Variants in GABRG3 observed in about 807,000 individuals in gnomAD.
The protein encoded by GABRG3 is gamma-aminobutyric acid type A receptor subunit gamma3.
A neutral mutation model predicts 48.8 loss-of-function variants in GABRG3; 25 were observed. The ratio of observed to expected loss-of-function variants is 0.51; its 90% CI spans 0.37 to 0.72. The LOEUF (loss-of-function observed/expected upper bound fraction) is 0.72. Among genes scored for constraint, GABRG3 ranks in the 30% least tolerant of loss-of-function variants. GABRG3 has a pLI of 0.00. For missense variants in GABRG3, 394 were observed against 577.9 expected, an observed-to-expected ratio of 0.68 and a Z score of 3.26; for synonymous variants, 227 against 217.6, an observed-to-expected ratio of 1.04 and a Z score of -0.38.
chr15:27,084,821 ACT>A (rs1897049658), intron 3 of GABRG3, among the ~76,000 whole-genome samples: 2 of 152,092 alleles, frequency 1.3e-5, no homozygotes, highest in Admixed American at 6.6e-5. Context: ...GGGGGGTGCC[ACT>A]CTCTCTGAAG....
intron 3 of GABRG3, among the ~76,000 whole-genome samples, chr15:27,124,187 A>G (rs1897779181): frequency 6.6e-6 from 1 of 152,248 alleles, no homozygotes; most frequent in African/African-American, 2.4e-5. Context: ...CTACCGAAAT[A>G]GACACTTCTG....
chr15:27,224,023 GCCTGGCA>G (rs1256045489), intron 3 of GABRG3, among the ~76,000 whole-genome samples: 2 of 152,176 alleles, frequency 1.3e-5, no homozygotes, highest in Non-Finnish European at 2.9e-5. Context: ...CAGGTGAGAA[GCCTGGCA>G]CCTGGGTGGG....
intron 3 of GABRG3, among the ~76,000 whole-genome samples, chr15:27,102,049 G>A (rs1038326091): frequency 6.6e-6 from 1 of 151,838 alleles, no homozygotes; most frequent in Non-Finnish European, 1.5e-5. Flanking sequence ...TACCACGTCC[G>A]GCCTCTCTAC....
At chr15:27,033,966 C>T (rs1043600763) in intron 3 of GABRG3, among the ~76,000 whole-genome samples, 1 of 152,176 alleles carries the variant, frequency 6.6e-6, no homozygotes, top group Non-Finnish European at 1.5e-5. Flanking sequence ...ATTGGCATTA[C>T]TGGCAAGCTT....
intron 2 of GABRG3, among the ~76,000 whole-genome samples, chr15:27,025,575 G>A (rs144528164): frequency 6.6e-6 from 1 of 152,282 alleles, no homozygotes; most frequent in Non-Finnish European, 1.5e-5. Flanking sequence ...TGTAGGAGTT[G>A]GTTCAAAGTC....
chr15:27,088,219 G>A (rs978365763), intron 3 of GABRG3, among the ~76,000 whole-genome samples: 7 of 145,770 alleles, frequency 4.8e-5, no homozygotes, highest in African/African-American at 1.8e-4. Context: ...TGTTAGATGG[G>A]CGCCGCGGTG....
At chr15:27,417,396 C>T (rs1228050145) in intron 5 of GABRG3, among the ~76,000 whole-genome samples, 1 of 152,176 alleles carries the variant, frequency 6.6e-6, no homozygotes, top group South Asian at 2.1e-4. Context: ...TGACTGATGG[C>T]TCCCAATCCT....
Position 27,045,799 on chromosome 15 carries a change from C to T in GABRG3, c.270+18978C>T, listed in dbSNP as rs555719072. On this transcript the variant is annotated intron_variant, in intron 3 of 9. Transcript: ENST00000615808. ...GTGCAGTGAGACAGCGGTCAATGCC[C>T]GTGCCCAGGTCTTTCCTCCGGAGGC... Among the ~76,000 whole-genome samples, 17 of 152,320 alleles carry T rather than the reference C, an allele frequency of 1.1e-4. No individual in the cohort carries two copies. In the South Asian group the frequency reaches 2.1e-3, roughly 19 times the overall value.
At chr15:27,089,289 C>T (rs74006577) in intron 3 of GABRG3, among the ~76,000 whole-genome samples, 3,475 of 152,192 alleles carry the variant, frequency 0.023, 143 homozygotes, top group African/African-American at 0.08. Flanking sequence ...GAGGACAGCT[C>T]GTCTGCAGGC....
chr15:27,049,067 G>T (rs796913683), intron 3 of GABRG3, among the ~76,000 whole-genome samples: 3 of 152,358 alleles, frequency 2.0e-5, no homozygotes, highest in African/African-American at 7.2e-5. Context: ...CAAGCTCAGA[G>T]ATTCCCAGGA....
Position 27,182,734 on chromosome 15 carries a change from G to C in GABRG3, c.271-144075G>C, listed in dbSNP as rs556130761. On this transcript the variant is annotated intron_variant, in intron 3 of 9. Coordinates refer to ENST00000615808, the MANE Select transcript of GABRG3 (RefSeq NM_033223.5). ...AGTCAAGTGCTCCATTGGATGTGCT[G>C]TGCGCTCGCTGAATTTGCAACTGCT... Among the ~76,000 whole-genome samples the C allele has an allele frequency of 2.0e-5, 3 of 152,254 alleles. No individual in the cohort carries two copies. The South Asian group carries it at 6.2e-4, about 32-fold the overall frequency.
intron 5 of GABRG3, among the ~76,000 whole-genome samples, chr15:27,437,875 G>C (rs1888666363): frequency 6.6e-6 from 1 of 152,162 alleles, no homozygotes; most frequent in Non-Finnish European, 1.5e-5. Flanking sequence ...CATGTGTGCA[G>C]AGATCCCATG....
chr15:27,094,872 G>A (rs1897246335), intron 3 of GABRG3, among the ~76,000 whole-genome samples: 1 of 152,092 alleles, frequency 6.6e-6, no homozygotes, highest in Non-Finnish European at 1.5e-5. Flanking sequence ...TTAGTATATA[G>A]TTTTCCAAAT....
chr15:27,245,013 T>C (rs2140455899), intron 3 of GABRG3, among the ~76,000 whole-genome samples: 1 of 152,328 alleles, frequency 6.6e-6, no homozygotes, highest in East Asian at 1.9e-4. Context: ...GGTTTCTGCC[T>C]TCTGCAGACA....
rs57903886 is a variant in GABRG3 at position 27,062,434 on chromosome 15, T to TAAAAAAAA, written c.270+35630_270+35637dup. On this transcript the variant is annotated intron_variant, in intron 3 of 9. Transcript: ENST00000615808. ...CAACATGGTGAAACTCCATCTCTAC[T>TAAAAAAAA]AAAAAAAAAAAAAAAAAAAAAAAAT... Among the ~76,000 whole-genome samples, 54 of 32,864 alleles carry TAAAAAAAA rather than the reference T, an allele frequency of 1.6e-3. 3 individuals carry two copies. Among genetic ancestry groups the TAAAAAAAA allele is most frequent in the African/African-American group, 1.9e-3 (27 of 14,284 alleles). The allele number at this position is 32,864 out of a possible 152,430, so 21.6% of individuals were successfully genotyped here.
At chr15:27,240,597 T>C (rs1890102921) in intron 3 of GABRG3, among the ~76,000 whole-genome samples, 1 of 152,204 alleles carries the variant, frequency 6.6e-6, no homozygotes, top group Non-Finnish European at 1.5e-5. Context: ...TTTCCTAATG[T>C]TAAAATATAA....
chr15:26,997,535 T>G (rs1895364925), intron 2 of GABRG3, among the ~76,000 whole-genome samples: 2 of 152,230 alleles, frequency 1.3e-5, no homozygotes, highest in Admixed American at 1.3e-4. Flanking sequence ...CTTACCTGTA[T>G]TAATCCCAAG....
intron 3 of GABRG3, among the ~76,000 whole-genome samples, chr15:27,028,245 C>T (rs558327806): frequency 4.6e-4 from 70 of 152,184 alleles, no homozygotes; most frequent in African/African-American, 1.6e-3. Flanking sequence ...TGAAACTTGA[C>T]GGATAGGCAA....
intron 3 of GABRG3, among the ~76,000 whole-genome samples, chr15:27,232,670 A>T (rs1052378325): frequency 1.3e-5 from 2 of 152,214 alleles, no homozygotes; most frequent in East Asian, 3.8e-4. Context: ...GGGATAGGAG[A>T]CAACAAGGCC....
Sources: allele counts gnomAD v4.1 joint callset (sites outside exome capture counted in the v4.1 genomes callset), GRCh38; gene constraint gnomAD v4.1.1; transcripts MANE v1.5; gene names NCBI Gene and HGNC (gene_info 2026-07-23, HGNC 2026-07-21).